Variants in SLC43A1 observed in about 807,000 individuals in gnomAD.
The protein encoded by SLC43A1 is solute carrier family 43 member 1.
Under a neutral mutation model 59.5 loss-of-function variants are expected in SLC43A1, and 31 were observed. That is an observed-to-expected ratio of 0.52 (90% CI 0.39 to 0.70). The LOEUF (loss-of-function observed/expected upper bound fraction) is 0.70, where lower values mean the gene tolerates loss of function less well. SLC43A1 is among the 30% of genes least tolerant of loss of function. SLC43A1 has a pLI of 0.00. For synonymous variants in SLC43A1, 259 were observed against 290.9 expected (o/e 0.89, Z 1.12); for missense variants, 598 against 717.8 (o/e 0.83, Z 1.91).
intron 7 of SLC43A1, among the ~76,000 whole-genome samples, chr11:57,495,296 C>A (rs552805314): frequency 5.3e-5 from 8 of 151,808 alleles, no homozygotes; most frequent in South Asian, 4.2e-4. Flanking sequence ...CAAGACCAGC[C>A]TGGCCAACAT....
chr11:57,513,833 G>C, intron 2 of SLC43A1, 125 bp downstream of exon 2: 1 of 748,948 alleles, frequency 1.3e-6, no homozygotes, highest in South Asian at 1.6e-5. Flanking sequence ...TGAAGAGGTC[G>C]AGAAGTGAGG....
At chr11:57,503,669 A>C (rs1488830341) in intron 2 of SLC43A1, among the ~76,000 whole-genome samples, 1 of 152,078 alleles carries the variant, frequency 6.6e-6, no homozygotes, top group Non-Finnish European at 1.5e-5. Context: ...ACACCCACTT[A>C]CTGGATATTT....
chr11:57,498,857 G>A (rs947632798), intron 5 of SLC43A1, among the ~76,000 whole-genome samples: 1 of 152,132 alleles, frequency 6.6e-6, no homozygotes, highest in African/African-American at 2.4e-5. Context: ...CTCAGGGCAG[G>A]GGAAGGCAAA....
intron 2 of SLC43A1, among the ~76,000 whole-genome samples, chr11:57,505,387 C>G (rs1307911154): frequency 6.6e-6 from 1 of 151,986 alleles, no homozygotes; most frequent in Non-Finnish European, 1.5e-5. Flanking sequence ...TGGTGGGTGC[C>G]TGTAATCCCA....
intron 2 of SLC43A1, among the ~76,000 whole-genome samples, chr11:57,510,525 G>A (rs1944512147): frequency 6.9e-6 from 1 of 145,040 alleles, no homozygotes; most frequent in South Asian, 2.2e-4. Flanking sequence ...CAAAGAAAGT[G>A]AACCCTCATC....
rs1207708099 is a variant in SLC43A1 at position 57,488,850 on chromosome 11, C to T, written c.1409+66G>A. 6 of 1,416,136 alleles carry T rather than the reference C, an allele frequency of 4.2e-6. No homozygotes were observed. In the African/African-American group the frequency reaches 8.5e-5, roughly 20 times the overall value. The allele number at this position is 1,416,136 out of a possible 1,614,324, so 87.7% of individuals were successfully genotyped here. On this transcript the variant is annotated intron_variant, in intron 13 of 14. Coordinates refer to ENST00000278426, the MANE Select transcript of SLC43A1 (RefSeq NM_003627.6). ...AGGGGATGCCTGGGGCCCTCCCAAC[C>T]CTTCCCTGGGGTTCTCTGATCACGG...
chr11:57,487,362 T>TCC (rs1251864783), intron 13 of SLC43A1, 144 bp from the exon 14 acceptor site: 5 of 1,035,038 alleles, frequency 4.8e-6, no homozygotes, highest in Non-Finnish European at 6.9e-6. Flanking sequence ...GGCTCTTTGG[T>TCC]CCCCAGCCTT....
intron 2 of SLC43A1, among the ~76,000 whole-genome samples, chr11:57,511,341 T>C (rs1164682972): frequency 6.6e-6 from 1 of 151,634 alleles, no homozygotes; most frequent in East Asian, 2.0e-4. Flanking sequence ...GGTGGGAGGA[T>C]CATTTGAGCC....
chr11:57,491,565 C>G (rs1356859547), intron 10 of SLC43A1, 26 bp downstream of exon 10: 5 of 1,613,552 alleles, frequency 3.1e-6, no homozygotes, highest in African/African-American at 2.7e-5. Flanking sequence ...TGGGCGTGAG[C>G]CAGGGCCCTG....
chr11:57,504,238 T>C (rs747313170), intron 2 of SLC43A1, among the ~76,000 whole-genome samples: 2 of 152,192 alleles, frequency 1.3e-5, no homozygotes, highest in African/African-American at 2.4e-5. Flanking sequence ...GATCTAGGCA[T>C]GACTGTAGCT....
At position 57,514,232 on chromosome 11, in the gene SLC43A1, T is replaced by A; in HGVS notation, c.-13-108A>T. On this transcript the variant is annotated intron_variant, in intron 1 of 14. Coordinates refer to ENST00000278426, the MANE Select transcript of SLC43A1 (RefSeq NM_003627.6). This position sits in a 1 kb window ranked among gnomAD's most constrained non-coding sequence, Gnocchi z 5.5. ...CTCGGGCCAGCCCGCGAGGAGCCCC[T>A]CATGGAGGCCCCATAGAGCCCTGGG... The A allele has an allele frequency of 7.6e-7, 1 of 1,307,816 alleles. No homozygotes were observed. Among genetic ancestry groups the A allele is most frequent in the Non-Finnish European group, 1.0e-6 (1 of 982,340 alleles). The allele number at this position is 1,307,816 out of a possible 1,614,324, so 81.0% of individuals were successfully genotyped here.
chr11:57,511,693 A>G (rs1046137697), intron 2 of SLC43A1, among the ~76,000 whole-genome samples: 31 of 152,242 alleles, frequency 2.0e-4, no homozygotes, highest in Admixed American at 1.9e-3. Context: ...GTTGATCCAT[A>G]CAATGGAGTA....
chr11:57,497,227 G>C (rs957387100), intron 6 of SLC43A1, among the ~76,000 whole-genome samples: 1 of 152,192 alleles, frequency 6.6e-6, no homozygotes, highest in Non-Finnish European at 1.5e-5. Flanking sequence ...TTTGATATTT[G>C]ACAGAGGAAA....
intron 2 of SLC43A1, 46 bp downstream of exon 2, chr11:57,513,911 CT>C (rs1398529587): frequency 6.8e-7 from 1 of 1,478,118 alleles, no homozygotes; most frequent in Non-Finnish European, 9.3e-7. Flanking sequence ...CCACCTGCCC[CT>C]TTGCCATCCC....
intron 2 of SLC43A1, among the ~76,000 whole-genome samples, chr11:57,506,271 G>A (rs183516774): frequency 5.1e-4 from 77 of 152,274 alleles, no homozygotes; most frequent in African/African-American, 1.7e-3. Flanking sequence ...ACTTGAACCT[G>A]GGAGGTGGAG....
intron 12 of SLC43A1, 37 bp downstream of exon 12, chr11:57,489,214 C>T (rs776687058): frequency 1.2e-5 from 19 of 1,612,154 alleles, no homozygotes; most frequent in Non-Finnish European, 1.3e-5. Flanking sequence ...GGAGGAGCCT[C>T]GGGAGGCAGG....
intron 2 of SLC43A1, among the ~76,000 whole-genome samples, chr11:57,510,863 G>A (rs1944522153): frequency 6.6e-6 from 1 of 151,838 alleles, no homozygotes; most frequent in African/African-American, 2.4e-5. Context: ...ATGGTGGCGG[G>A]CGCCTGTACC....
intron 2 of SLC43A1, among the ~76,000 whole-genome samples, chr11:57,510,421 G>A (rs1462280057): frequency 1.6e-5 from 2 of 126,122 alleles, no homozygotes; most frequent in African/African-American, 6.3e-5. Context: ...TCATGCCATT[G>A]CATTCCAGCC....
At chr11:57,490,045 C>T (rs1198873079) in intron 11 of SLC43A1, among the ~76,000 whole-genome samples, 1 of 152,206 alleles carries the variant, frequency 6.6e-6, no homozygotes, top group East Asian at 1.9e-4. Context: ...CAGGGCCAGG[C>T]TCTGCTAGCA....
Sources: gnomAD v4.1 joint callset for allele counts (sites outside exome capture counted in the v4.1 genomes callset) on GRCh38, gnomAD v4.1.1 for gene constraint, Gnocchi (gnomAD v3.1) non-coding constraint, MANE v1.5 for transcripts, NCBI Gene and HGNC (gene_info 2026-07-23, HGNC 2026-07-21) for gene names.